PPP1R1C: variants seen among roughly 807,000 people sequenced by gnomAD.
PPP1R1C encodes protein phosphatase 1 regulatory inhibitor subunit 1C, also known as protein phosphatase 1 regulatory subunit 1C.
In PPP1R1C, 15 loss-of-function variants were observed where a neutral mutation model predicts 17.4. That is an observed-to-expected ratio of 0.86 (90% CI 0.58 to 1.33). PPP1R1C has a LOEUF of 1.33. Ranked by LOEUF, PPP1R1C falls within the 40% of genes most tolerant of loss-of-function variation. The pLI is 0.00. For missense variants in PPP1R1C, 143 were observed against 130.0 expected (o/e 1.10, Z -0.48); for synonymous variants, 35 against 43.1 (o/e 0.81, Z 0.73).
chr2:182,074,843 A>G (rs1485669680), intron 4 of PPP1R1C, among the ~76,000 whole-genome samples: 2 of 152,212 alleles, frequency 1.3e-5, no homozygotes, highest in East Asian at 3.8e-4. Context: ...GATACCAGCA[A>G]TGCTGTCAAA....
intron 4 of PPP1R1C, among the ~76,000 whole-genome samples, chr2:182,109,377 A>C (rs569622535): frequency 4.5e-4 from 69 of 152,212 alleles, no homozygotes; most frequent in Admixed American, 1.3e-3. Flanking sequence ...CTTTTCTTTC[A>C]TGGATTATGT....
intron 2 of PPP1R1C, among the ~76,000 whole-genome samples, chr2:182,026,268 A>G (rs1426091521): frequency 1.6e-5 from 2 of 122,636 alleles, no homozygotes; most frequent in Admixed American, 8.6e-5. Context: ...GGTGTTTTGG[A>G]CATGAAGTCC....
chr2:182,074,336 C>T (rs1688232194), intron 4 of PPP1R1C, among the ~76,000 whole-genome samples: 1 of 152,082 alleles, frequency 6.6e-6, no homozygotes, highest in South Asian at 2.1e-4. Context: ...ACACTGCGCC[C>T]AGCCAAAAAT....
intron 2 of PPP1R1C, among the ~76,000 whole-genome samples, chr2:182,027,284 G>A (rs979159179): frequency 8.3e-5 from 11 of 133,116 alleles, no homozygotes; most frequent in Non-Finnish European, 1.6e-4. Flanking sequence ...TCCCTGTCTT[G>A]TGCCAGTTTT....
intron 2 of PPP1R1C, among the ~76,000 whole-genome samples, chr2:182,051,107 G>A (rs771432900): frequency 4.6e-5 from 7 of 152,230 alleles, no homozygotes; most frequent in Non-Finnish European, 8.8e-5. Context: ...GGAGAAAGGT[G>A]CGGTATTTTG....
In PPP1R1C at chr2:181,961,812, G is replaced by C. The variant is rs1684802388; in HGVS notation, n.111+7178G>C. The C allele has an allele frequency of 5.6e-6, 7 of 1,239,690 alleles. No individual in the cohort carries two copies. The African/African-American group carries it at 5.9e-5, about 10-fold the overall frequency. The allele number at this position is 1,239,690 out of a possible 1,614,324, so 76.8% of individuals were successfully genotyped here. ...CAGAGCTGGCAATCTGGGCTTGTAG[G>C]CCTTTTACTTCCTCTTCGTGGTTCT... On this transcript the variant is annotated intron_variant and non_coding_transcript_variant, in intron 1 of 5. Transcript: ENST00000464264. This position sits in a 1 kb window ranked among gnomAD's most constrained non-coding sequence, Gnocchi z 5.8.
chr2:181,974,358 G>T (rs1685060974), intron 1 of PPP1R1C, among the ~76,000 whole-genome samples: 2 of 152,012 alleles, frequency 1.3e-5, no homozygotes, highest in Non-Finnish European at 2.9e-5. Flanking sequence ...TATATTTGAA[G>T]GTGCAAATGA....
intron 4 of PPP1R1C, among the ~76,000 whole-genome samples, chr2:182,069,358 A>T (rs1427067016): frequency 6.7e-6 from 1 of 149,108 alleles, no homozygotes; most frequent in African/African-American, 2.5e-5. Context: ...ACTGAGTTTT[A>T]TGCTCATCTT....
At chr2:182,021,390 C>T (rs1249724318) in intron 2 of PPP1R1C, among the ~76,000 whole-genome samples, 5 of 137,478 alleles carry the variant, frequency 3.6e-5, no homozygotes, top group Non-Finnish European at 6.1e-5. Flanking sequence ...TGCAGTGGCA[C>T]GATCTCATCT....
chr2:182,083,017 C>T (rs1273573203), intron 4 of PPP1R1C, among the ~76,000 whole-genome samples: 1 of 152,026 alleles, frequency 6.6e-6, no homozygotes, highest in East Asian at 1.9e-4. Flanking sequence ...TGGAACATGA[C>T]CAGAGCATAA....
At chr2:182,085,923 A>C (rs12473917) in intron 4 of PPP1R1C, among the ~76,000 whole-genome samples, 3,862 of 152,260 alleles carry the variant, frequency 0.025, 183 homozygotes, top group Admixed American at 0.12. Flanking sequence ...TCCATAAGAA[A>C]ACCCCTAGAT....
At chr2:182,064,974 C>G (rs972817878) in intron 4 of PPP1R1C, among the ~76,000 whole-genome samples, 1 of 151,954 alleles carries the variant, frequency 6.6e-6, no homozygotes, top group Non-Finnish European at 1.5e-5. Flanking sequence ...TAATACTGTT[C>G]TCATGTCCTC....
chr2:182,070,641 T>A (rs1201745279), intron 4 of PPP1R1C, among the ~76,000 whole-genome samples: 1 of 152,244 alleles, frequency 6.6e-6, no homozygotes, highest in African/African-American at 2.4e-5. Flanking sequence ...TGTCTCATGT[T>A]AGTATGGCAC....
intron 4 of PPP1R1C, among the ~76,000 whole-genome samples, chr2:182,070,868 A>G (rs1445220804): frequency 6.6e-6 from 1 of 152,164 alleles, no homozygotes; most frequent in Non-Finnish European, 1.5e-5. Context: ...AGCACTTTCC[A>G]TGGCTGGAGT....
intron 4 of PPP1R1C, among the ~76,000 whole-genome samples, chr2:182,106,988 G>T (rs1198202838): frequency 1.3e-5 from 2 of 152,106 alleles, no homozygotes; most frequent in Non-Finnish European, 2.9e-5. Context: ...TTGGACTAGA[G>T]CCCAATCTTA....
At chr2:182,091,489 A>AAT (rs1688779660) in intron 4 of PPP1R1C, among the ~76,000 whole-genome samples, 8 of 59,798 alleles carry the variant, frequency 1.3e-4, no homozygotes, top group Admixed American at 6.6e-4. Flanking sequence ...AAAAAATAAT[A>AAT]AAAAAAAAAG....
At chr2:181,979,169 C>T (rs916722379) in intron 2 of PPP1R1C, among the ~76,000 whole-genome samples, 9 of 152,058 alleles carry the variant, frequency 5.9e-5, no homozygotes, top group African/African-American at 2.2e-4. Context: ...TTGGACTAAA[C>T]CAAGTCTAGA....
chr2:182,053,846 TCTC>T (rs886767229), intron 2 of PPP1R1C, among the ~76,000 whole-genome samples: 24 of 152,162 alleles, frequency 1.6e-4, no homozygotes, highest in African/African-American at 5.8e-4. Flanking sequence ...AGTGGTGTGA[TCTC>T]AGCTCACCAC....
intron 2 of PPP1R1C, among the ~76,000 whole-genome samples, chr2:182,010,008 G>T (rs1686043935): frequency 6.6e-6 from 1 of 151,986 alleles, no homozygotes; most frequent in South Asian, 2.1e-4. Context: ...CTAGGATCAT[G>T]CTGTTTTGGT....
Sources: allele counts gnomAD v4.1 joint callset (sites outside exome capture counted in the v4.1 genomes callset), GRCh38; gene constraint gnomAD v4.1.1; non-coding constraint Gnocchi (gnomAD v3.1); transcripts MANE v1.5; gene names NCBI Gene and HGNC (gene_info 2026-07-23, HGNC 2026-07-21).